PTPRK: variants seen among roughly 807,000 people sequenced by gnomAD.
The protein encoded by PTPRK is receptor-type tyrosine-protein phosphatase kappa.
Under a neutral mutation model 178.0 loss-of-function variants are expected in PTPRK, and 75 were observed. The observed-to-expected ratio is 0.42, with a 90% CI of 0.35 to 0.51. The LOEUF is 0.51. Among genes scored for constraint, PTPRK ranks in the 20% least tolerant of loss-of-function variants. The pLI is 0.02. For missense variants in PTPRK, 1,441 were observed against 1,797.8 expected (o/e 0.80, Z 3.59); for synonymous variants, 637 against 620.6 (o/e 1.03, Z -0.39).
At chr6:128,476,067 T>C (rs1175156508) in intron 1 of PTPRK, among the ~76,000 whole-genome samples, 1 of 152,110 alleles carries the variant, frequency 6.6e-6, no homozygotes, top group African/African-American at 2.4e-5. Flanking sequence ...TCAGTCATCA[T>C]GTCATTTTGT....
chr6:128,128,505 A>C (rs187018792), intron 7 of PTPRK, among the ~76,000 whole-genome samples: 52 of 152,350 alleles, frequency 3.4e-4, no homozygotes, highest in African/African-American at 1.0e-3. Context: ...ACTTTGAGTG[A>C]ACATCATTTT....
In PTPRK at chr6:127,995,512, G is replaced by T. The variant is rs1010869659; in HGVS notation, c.2794C>A (p.Pro932Thr). Residue 932 changes from proline to threonine, a missense_variant, in exon 18 of 30, where the codon CCC (proline) becomes ACC (threonine). By Grantham distance (38) the Pro-to-Thr change is conservative. Transcript: ENST00000368226. The part of the protein sequence containing the change: ...AYDHSRVILQ[P>T]VEDDPSSDYI... ...TCTGAGGAAGGATCATCCTCTACGG[G>T]TTGCAAAATCACTCTGGAGTGATCA... 3 of 1,597,472 alleles carry T rather than the reference G, an allele frequency of 1.9e-6. No individual in the cohort carries two copies. In the African/African-American group the frequency reaches 4.1e-5, roughly 22 times the overall value.
intron 7 of PTPRK, among the ~76,000 whole-genome samples, chr6:128,157,805 T>C (rs1583263793): frequency 6.6e-6 from 1 of 152,182 alleles, no homozygotes; most frequent in Non-Finnish European, 1.5e-5. Flanking sequence ...CTTGTAAATC[T>C]GTTTAAGTTC....
chr6:128,371,021 A>C (rs1207103356), intron 2 of PTPRK, among the ~76,000 whole-genome samples: 1 of 152,170 alleles, frequency 6.6e-6, no homozygotes, highest in African/African-American at 2.4e-5. Context: ...TCAAGAGAAC[A>C]ATATGAACAA....
intron 2 of PTPRK, among the ~76,000 whole-genome samples, chr6:128,347,446 C>G (rs975371297): frequency 1.3e-5 from 2 of 152,144 alleles, no homozygotes; most frequent in Non-Finnish European, 2.9e-5. Flanking sequence ...TCTAAACTTG[C>G]AGAAACTGGA....
At chr6:128,081,991 T>C (rs1784905050) in intron 10 of PTPRK, among the ~76,000 whole-genome samples, 3 of 152,086 alleles carry the variant, frequency 2.0e-5, no homozygotes, top group South Asian at 2.1e-4. Flanking sequence ...GAAAAGCCCA[T>C]CTTTGTTTAA....
chr6:128,520,484 C>T lies in PTPRK; in HGVS notation c.-126G>A. Reference sequence around the variant, plus strand: ...GACGGTGAGAGGACAGCCGCCCGCCCGCCCTTTTTCCTTCTTCGCGGTCGC... The same window carrying T: ...GACGGTGAGAGGACAGCCGCCCGCCTGCCCTTTTTCCTTCTTCGCGGTCGC... On this transcript the variant is annotated 5_prime_UTR_variant, in exon 1 of 30. Transcript: ENST00000368226. 1.2e-6 allele frequency: 1 copy of T among 846,978 alleles called. No homozygotes were observed. The highest frequency in any genetic ancestry group is 1.9e-6 in the Non-Finnish European group (1 of 536,746). 52.5% of individuals were successfully genotyped at this position (846,978 alleles called of 1,614,324 possible).
At chr6:128,371,351 T>C (rs1836252809) in intron 2 of PTPRK, among the ~76,000 whole-genome samples, 1 of 152,226 alleles carries the variant, frequency 6.6e-6, no homozygotes, top group South Asian at 2.1e-4. Flanking sequence ...CTAACTCAGA[T>C]TGATAGCTTG....
chr6:128,358,230 G>A (rs1834215603), intron 2 of PTPRK, among the ~76,000 whole-genome samples: 1 of 152,140 alleles, frequency 6.6e-6, no homozygotes, highest in Admixed American at 6.5e-5. Context: ...TTACTATAAT[G>A]GTCCTTGGCC....
intron 5 of PTPRK, among the ~76,000 whole-genome samples, chr6:128,227,315 G>A (rs1811527836): frequency 6.6e-6 from 1 of 152,162 alleles, no homozygotes; most frequent in East Asian, 1.9e-4. Flanking sequence ...GAAGACAAAT[G>A]CAATGAAACC....
intron 2 of PTPRK, among the ~76,000 whole-genome samples, chr6:128,354,534 C>A (rs1833707153): frequency 6.6e-6 from 1 of 151,956 alleles, no homozygotes; most frequent in African/African-American, 2.4e-5. Context: ...CACGCCCAGC[C>A]TCCTTTACAT....
intron 1 of PTPRK, among the ~76,000 whole-genome samples, chr6:128,405,675 C>T (rs1453342886): frequency 6.6e-6 from 1 of 152,120 alleles, no homozygotes; most frequent in Non-Finnish European, 1.5e-5. Context: ...GTGGGCTCCA[C>T]TTCACCCATA....
chr6:128,306,208 T>C (rs1043543093), intron 3 of PTPRK, among the ~76,000 whole-genome samples: 5 of 152,090 alleles, frequency 3.3e-5, no homozygotes, highest in Admixed American at 6.6e-5. Flanking sequence ...TAAAGGAAAA[T>C]ATAAGAATCT....
At chr6:128,013,684 C>A (rs903128384) in intron 13 of PTPRK, among the ~76,000 whole-genome samples, 2 of 151,436 alleles carry the variant, frequency 1.3e-5, no homozygotes, top group African/African-American at 4.8e-5. Flanking sequence ...TTATCTTGGG[C>A]AAACTGGAAT....
chr6:128,422,623 G>A (rs534224287), intron 1 of PTPRK, among the ~76,000 whole-genome samples: 28 of 125,842 alleles, frequency 2.2e-4, no homozygotes. Flanking sequence ...TACAGCATGG[G>A]AGAACACTTT....
chr6:128,369,599 G>T (rs1380076478), intron 2 of PTPRK, among the ~76,000 whole-genome samples: 1 of 152,096 alleles, frequency 6.6e-6, no homozygotes, highest in Non-Finnish European at 1.5e-5. Flanking sequence ...TAGGTTAAAT[G>T]TTAATAAATT....
intron 16 of PTPRK, among the ~76,000 whole-genome samples, chr6:127,998,504 T>C (rs1463677350): frequency 6.6e-6 from 1 of 151,984 alleles, no homozygotes; most frequent in Non-Finnish European, 1.5e-5. Flanking sequence ...ATTCTTGTAA[T>C]AAATTTAGAC....
At chr6:128,401,643 G>A (rs1414572960) in intron 1 of PTPRK, among the ~76,000 whole-genome samples, 4 of 152,028 alleles carry the variant, frequency 2.6e-5, no homozygotes, top group African/African-American at 7.3e-5. Context: ...TCCCCTCCAT[G>A]GCACCTCTAG....
chr6:128,010,039 G>A (rs994489388), intron 13 of PTPRK, among the ~76,000 whole-genome samples: 37 of 151,078 alleles, frequency 2.4e-4, no homozygotes, highest in African/African-American at 8.5e-4. Flanking sequence ...AACTCTCTGA[G>A]GACATTTTCC....
Sources: gnomAD v4.1 joint callset for allele counts (sites outside exome capture counted in the v4.1 genomes callset) on GRCh38, gnomAD v4.1.1 for gene constraint, MANE v1.5 for transcripts, NCBI Gene and HGNC (gene_info 2026-07-23, HGNC 2026-07-21) for gene names.